PRICKLE4: variants seen among roughly 807,000 people sequenced by gnomAD.
PRICKLE4 encodes the protein prickle planar cell polarity protein 4.
Under a neutral mutation model 43.5 loss-of-function variants are expected in PRICKLE4, and 40 were observed. The observed-to-expected ratio is 0.92, with a 90% CI of 0.71 to 1.20. The LOEUF (loss-of-function observed/expected upper bound fraction) is 1.20. PRICKLE4 is among the 50% of genes most tolerant of loss of function. PRICKLE4 has a pLI of 0.00. For synonymous variants in PRICKLE4, 208 were observed against 197.4 expected, an observed-to-expected ratio of 1.05 and a Z score of -0.45; for missense variants, 527 against 491.2, an observed-to-expected ratio of 1.07 and a Z score of -0.69.
chr6:41,786,443 C>G, intron 7 of PRICKLE4, 111 bp downstream of exon 7: 2 of 1,235,072 alleles, frequency 1.6e-6, no homozygotes, highest in Non-Finnish European at 2.3e-6. Flanking sequence ...CCTCCAGGAG[C>G]GCCCCCACCG....
In PRICKLE4 at chr6:41,785,442, G is replaced by T. The variant is rs768853004; in HGVS notation, c.484G>T (p.Ala162Ser). ...CTTTGCCTGCCAGGCCTGTGGCCAG[G>T]CCCTGATAAACCTCATCTACTTCTA... ...PCFACQACGQALINLIYFYHD... is the reference protein window; with the variant it reads ...PCFACQACGQSLINLIYFYHD... The change falls in exon 6 of 8, where the codon GCC (alanine) becomes TCC (serine). Residue 162 changes from alanine to serine, a missense_variant. By Grantham distance (99) the Ala-to-Ser change is moderately conservative. Coordinates refer to ENST00000458694, the MANE Select transcript of PRICKLE4 (RefSeq NM_013397.6). The T allele has an allele frequency of 1.2e-6, 2 of 1,614,104 alleles. No individual in the cohort carries two copies. The highest frequency in any genetic ancestry group is 1.7e-6 in the Non-Finnish European group (2 of 1,180,040).
rs1772658640 is a variant in PRICKLE4, at chr6:41,786,646, G to C, written c.788-116G>C. 4.7e-6 allele frequency: 7 copies of C among 1,487,532 alleles called. No homozygotes were observed. In the Admixed American group the frequency reaches 1.7e-4, roughly 35 times the overall value. 92.1% of individuals were successfully genotyped at this position (1,487,532 alleles called of 1,614,324 possible). A position where few individuals can be genotyped will look rare whatever the true frequency, so the allele number is the denominator to read the frequency against. ...GCGAGGACTCTCGGCGGCGGCGGCG[G>C]CGCGCACGGCCCAGGGGCTGGGCGG... On this transcript the variant is annotated intron_variant, in intron 7 of 7. Coordinates refer to ENST00000458694, the MANE Select transcript of PRICKLE4 (RefSeq NM_013397.6).
chr6:41,786,594 G>T, intron 7 of PRICKLE4, 168 bp from the exon 8 acceptor site: 1 of 1,209,738 alleles, frequency 8.3e-7, no homozygotes, highest in Non-Finnish European at 1.1e-6. Flanking sequence ...GGAGGCGGAC[G>T]CCCTCTGGTG....
intron 3 of PRICKLE4, 163 bp from the exon 4 acceptor site, chr6:41,783,968 A>G: frequency 3.0e-6 from 2 of 671,488 alleles, no homozygotes. Context: ...TCAGTCAGCT[A>G]TCCTTGCACT....
chr6:41,781,742 C>A (rs529859400), intron 2 of PRICKLE4, among the ~76,000 whole-genome samples: 2 of 152,296 alleles, frequency 1.3e-5, no homozygotes, highest in South Asian at 4.1e-4. Flanking sequence ...TCCCAGCTCT[C>A]AGAAGCCAGG....
Position 41,786,779 on chromosome 6 carries a change from C to T in PRICKLE4, c.805C>T (p.Arg269Ter). The T allele has an allele frequency of 1.9e-6, 3 of 1,612,404 alleles. No individual in the cohort carries two copies. Among genetic ancestry groups the T allele is most frequent in the Non-Finnish European group, 2.5e-6 (3 of 1,179,456 alleles). ...QAFLGETGLD[R>*]TEGRDQTSVN... Reference sequence around the variant, plus strand: ...CGGAACAGGGGAGACTGGACTCGACCGAACTGAAGGAAGGGACCAAACCTC... The same window carrying T: ...CGGAACAGGGGAGACTGGACTCGACTGAACTGAAGGAAGGGACCAAACCTC... Residue 269 changes from arginine (R) to a stop codon, truncating the protein, a stop_gained, in exon 8 of 8, where the codon CGA becomes TGA. Transcript: ENST00000458694. LOFTEE classifies it high-confidence loss of function.
chr6:41,783,906 T>C, intron 3 of PRICKLE4: 1 of 711,324 alleles, frequency 1.4e-6, no homozygotes, highest in South Asian at 1.5e-5. Flanking sequence ...GAAGCTGTTT[T>C]GGGGTGTGGG....
intron 7 of PRICKLE4, 69 bp downstream of exon 7, chr6:41,786,401 G>T: frequency 6.7e-7 from 1 of 1,482,818 alleles, no homozygotes; most frequent in Non-Finnish European, 9.0e-7. Flanking sequence ...TCCCGGGCTG[G>T]GACCCTCGCC....
Position 41,787,147 on chromosome 6 carries a change from G to T in PRICKLE4, c.*18G>T. On this transcript the variant is annotated 3_prime_UTR_variant, in exon 8 of 8. Transcript: ENST00000458694. The stretch of plus-strand genomic sequence containing the variant: ...TGTGCTAGTGGCGCAGCTCAGAGAG[G>T]GGATGTGAGTGGGAGGAAAGGGGTC... 6.3e-7 allele frequency: 1 copy of T among 1,583,312 alleles called. No homozygotes were observed. Among genetic ancestry groups the T allele is most frequent in the South Asian group, 1.1e-5 (1 of 88,946 alleles).
At position 41,785,527 on chromosome 6, in the gene PRICKLE4, C is replaced by A. The variant is rs762500097; in HGVS notation, c.569C>A (p.Pro190Gln). The stretch of plus-strand genomic sequence containing the variant: ...GCAGAGTTGCTGCGCCCGCGCTGCC[C>A]GGCTTGTGACCAGGTACAGCCTGGA... ...HHAELLRPRC[P>Q]ACDQLIFSWR... The change falls in exon 6 of 8, where the codon CCG (proline) becomes CAG (glutamine). Residue 190 changes from proline to glutamine, a missense_variant. By Grantham distance (76) the Pro-to-Gln change is moderately conservative. Coordinates refer to ENST00000458694, the MANE Select transcript of PRICKLE4 (RefSeq NM_013397.6). 1 of 1,612,808 alleles carries A rather than the reference C, an allele frequency of 6.2e-7. No individual in the cohort carries two copies. Among genetic ancestry groups the A allele is most frequent in the African/African-American group, 1.3e-5 (1 of 75,044 alleles).
intron 7 of PRICKLE4, 163 bp downstream of exon 7, chr6:41,786,495 C>A: frequency 5.7e-6 from 6 of 1,052,482 alleles, no homozygotes; most frequent in Non-Finnish European, 8.4e-6. Flanking sequence ...GCTCTCACCG[C>A]GCATCCCTGG....
chr6:41,782,991 AG>A (rs2127305439), intron 2 of PRICKLE4, among the ~76,000 whole-genome samples: 1 of 152,286 alleles, frequency 6.6e-6, no homozygotes, highest in South Asian at 2.1e-4. Flanking sequence ...TCCTTTAACC[AG>A]AGGCCCAAGC....
Position 41,786,926 on chromosome 6 carries a change from G to C in PRICKLE4, c.952G>C (p.Glu318Gln). 1 of 1,613,916 alleles carries C rather than the reference G, an allele frequency of 6.2e-7. No homozygotes were observed. Among genetic ancestry groups the C allele is most frequent in the South Asian group, 1.1e-5 (1 of 91,062 alleles). ...QQENRPGDKA[E>Q]APKGQEQCRL... Reference sequence around the variant, plus strand: ...GGAGAACCGACCTGGGGACAAAGCGGAGGCACCCAAAGGGCAGGAGCAATG... The same window carrying C: ...GGAGAACCGACCTGGGGACAAAGCGCAGGCACCCAAAGGGCAGGAGCAATG... The change falls in exon 8 of 8, where the codon GAG becomes CAG. Residue 318 changes from glutamate (E) to glutamine (Q), a missense_variant. Glu to Gln is a conservative substitution (Grantham distance 29). Transcript: ENST00000458694.
intron 6 of PRICKLE4, 127 bp downstream of exon 6, chr6:41,785,667 G>A (rs1173001136): frequency 3.0e-6 from 3 of 993,880 alleles, no homozygotes; most frequent in Non-Finnish European, 4.4e-6. Flanking sequence ...AACCAGCCTG[G>A]GACTACCAAG....
intron 3 of PRICKLE4, 173 bp downstream of exon 3, chr6:41,783,778 T>A: frequency 3.2e-6 from 3 of 933,416 alleles, no homozygotes; most frequent in Non-Finnish European, 5.1e-6. Context: ...GTTTTGACTT[T>A]AAACTCATTC....
At chr6:41,786,614 G>C in intron 7 of PRICKLE4, 148 bp from the exon 8 acceptor site, 1 of 1,330,538 alleles carries the variant, frequency 7.5e-7, no homozygotes, top group Non-Finnish European at 1.0e-6. Flanking sequence ...GGAGGCGGGG[G>C]ACCCTGGCGA....
chr6:41,783,488 C>G lies in PRICKLE4; in HGVS notation c.15C>G (p.Asn5Lys). The change falls in exon 3 of 8, where the codon AAC (asparagine) becomes AAG (lysine). Residue 5 changes from asparagine (N) to lysine (K), a missense_variant. Transcript: ENST00000458694. ...CTTTGCCACAAATGTCAGTGCAGAA[C>G]TCTGGCTGGCCCCACCAAGAAGACA... Reference protein sequence around the residue: MSVQNSGWPHQEDSP... With the variant: MSVQKSGWPHQEDSP... 6.5e-7 allele frequency: 1 copy of G among 1,529,438 alleles called. No homozygotes were observed. 94.7% of individuals were successfully genotyped at this position (1,529,438 alleles called of 1,614,324 possible). A position where few individuals can be genotyped will look rare whatever the true frequency, so the allele number is the denominator to read the frequency against.
At chr6:41,781,893 C>A (rs546391560) in intron 2 of PRICKLE4, among the ~76,000 whole-genome samples, 2 of 152,096 alleles carry the variant, frequency 1.3e-5, no homozygotes, top group African/African-American at 4.8e-5. Flanking sequence ...CTAGAAGAGT[C>A]CTTGGCACAG....
At position 41,786,892 on chromosome 6, in the gene PRICKLE4, T is replaced by A. The variant is rs28403585; in HGVS notation, c.918T>A (p.Ser306Arg). The change falls in exon 8 of 8, where the codon AGT (serine) becomes AGA (arginine). Residue 306 changes from serine to arginine, a missense_variant. Ser to Arg is a moderately radical substitution (Grantham distance 110, BLOSUM62 -1). Coordinates refer to ENST00000458694, the MANE Select transcript of PRICKLE4 (RefSeq NM_013397.6). ...CTCAGAGGGGGCTGCCTGGATCCAG[T>A]CCCCAGCAGGAGAACCGACCTGGGG... ...LQTQRGLPGS[S>R]PQQENRPGDK... 725 of 1,610,528 alleles carry A rather than the reference T, an allele frequency of 4.5e-4. 10 individuals are homozygous for A. In the East Asian group the frequency reaches 0.016, roughly 36 times the overall value.
Sources: allele counts gnomAD v4.1 joint callset (sites outside exome capture counted in the v4.1 genomes callset), GRCh38; gene constraint gnomAD v4.1.1; transcripts MANE v1.5; gene names NCBI Gene and HGNC (gene_info 2026-07-23, HGNC 2026-07-21).